Variants in FNDC1 observed in about 807,000 individuals in gnomAD.
FNDC1 encodes the protein fibronectin type III domain-containing protein 1.
In FNDC1, 96 loss-of-function variants were observed where a neutral mutation model predicts 168.0. The observed-to-expected ratio is 0.57, with a 90% CI of 0.48 to 0.68. The LOEUF is 0.68. Among genes scored for constraint, FNDC1 ranks in the 30% least tolerant of loss-of-function variants. The pLI, the probability that FNDC1 is intolerant of heterozygous loss-of-function variation, is 0.00. For synonymous variants in FNDC1, 1,099 were observed against 1,025.9 expected (o/e 1.07, Z -1.36); for missense variants, 2,587 against 2,482.1 (o/e 1.04, Z -0.90).
chr6:159,209,055 C>A (rs1214197139), intron 4 of FNDC1, among the ~76,000 whole-genome samples: 1 of 152,102 alleles, frequency 6.6e-6, no homozygotes, highest in Non-Finnish European at 1.5e-5. Flanking sequence ...CCATGTTGGT[C>A]AGGCTGGTCC....
At position 159,232,495 on chromosome 6, in the gene FNDC1, C is replaced by A. The variant is rs962860265; in HGVS notation, c.1983C>A (p.Gly661=). ...ERAVGSLHPK[G]AFAQPRPALS... is the part of the protein sequence containing the mutation. ...CTGTGGGCTCCCTCCACCCCAAGGG[C>A]GCCTTCGCCCAGCCCCGGCCAGCCC... Residue 661 remains glycine, a synonymous_variant, in exon 11 of 23, where the codon GGC becomes GGA. Coordinates refer to ENST00000297267, the MANE Select transcript of FNDC1 (RefSeq NM_032532.3). The surrounding 1 kb of genome is among the most constrained non-coding windows in gnomAD (Gnocchi z 4.9). 4 of 1,612,380 alleles carry A rather than the reference C, an allele frequency of 2.5e-6. No individual in the cohort carries two copies. Among genetic ancestry groups the A allele is most frequent in the Non-Finnish European group, 3.4e-6 (4 of 1,179,270 alleles).
intron 2 of FNDC1, among the ~76,000 whole-genome samples, chr6:159,199,478 A>G (rs186084): frequency 0.47 from 72,162 of 152,092 alleles, 19,238 homozygotes; most frequent in African/African-American, 0.72. Flanking sequence ...ATATTTTATT[A>G]TGAAAAGGAG....
intron 1 of FNDC1, among the ~76,000 whole-genome samples, chr6:159,187,417 A>C (rs927950516): frequency 4.6e-5 from 7 of 152,150 alleles, no homozygotes; most frequent in African/African-American, 1.7e-4. Flanking sequence ...GTGTTTTATA[A>C]TAAGTTCAGA....
chr6:159,189,519 G>A (rs1340344161), intron 1 of FNDC1, among the ~76,000 whole-genome samples: 1 of 152,166 alleles, frequency 6.6e-6, no homozygotes, highest in Non-Finnish European at 1.5e-5. Flanking sequence ...ATTGTGTGGA[G>A]GACTCTAAGA....
chr6:159,244,974 CTCAGG>C (rs1783507344), intron 14 of FNDC1, among the ~76,000 whole-genome samples: 1 of 152,106 alleles, frequency 6.6e-6, no homozygotes, highest in African/African-American at 2.4e-5. Context: ...CTGGGGAGAC[CTCAGG>C]AAACTTACAA....
At chr6:159,247,153 A>C (rs1777155579) in intron 15 of FNDC1, among the ~76,000 whole-genome samples, 184 bp downstream of exon 15, 1 of 152,154 alleles carries the variant, frequency 6.6e-6, no homozygotes, top group Non-Finnish European at 1.5e-5. Context: ...TCCCAAATGC[A>C]TATTTGATCT....
At chr6:159,206,655 T>G (rs1007391335) in intron 4 of FNDC1, among the ~76,000 whole-genome samples, 18 of 152,006 alleles carry the variant, frequency 1.2e-4, no homozygotes, top group African/African-American at 4.1e-4. Flanking sequence ...ATTCGGGGGG[T>G]TCTGGGCAAG....
At chr6:159,208,835 T>C (rs1782538242) in intron 4 of FNDC1, among the ~76,000 whole-genome samples, 2 of 141,746 alleles carry the variant, frequency 1.4e-5, no homozygotes, top group South Asian at 4.4e-4. Context: ...CATTCAAATG[T>C]TATTTTTAAT....
intron 19 of FNDC1, among the ~76,000 whole-genome samples, chr6:159,263,697 G>A (rs947868287): frequency 6.6e-6 from 1 of 152,212 alleles, no homozygotes; most frequent in African/African-American, 2.4e-5. Flanking sequence ...GGGAGACGGA[G>A]CTTGCAGTGA....
At chr6:159,252,217 G>C (rs1414185781) in intron 17 of FNDC1, among the ~76,000 whole-genome samples, 2 of 151,752 alleles carry the variant, frequency 1.3e-5, no homozygotes, top group Non-Finnish European at 2.9e-5. Context: ...GTGAATAATT[G>C]CAAATTTTTT....
Position 159,225,687 on chromosome 6 carries a change from G to T in FNDC1, c.1037G>T (p.Trp346Leu). ...TCACAGGGTGAAAGAGATGGCAAATGGAGTACGTCAGTCTTCCAAAGAACA... is the reference window on the plus strand; with the variant it reads ...TCACAGGGTGAAAGAGATGGCAAATTGAGTACGTCAGTCTTCCAAAGAACA... ...RISQGERDGK[W>L]STSVFQRTPE... The change falls in exon 8 of 23, where the codon TGG becomes TTG. Residue 346 changes from tryptophan to leucine, a missense_variant. By Grantham distance (61) the Trp-to-Leu change is moderately conservative. Transcript: ENST00000297267. The T allele has an allele frequency of 6.2e-7, 1 of 1,613,460 alleles. No individual in the cohort carries two copies. Among genetic ancestry groups the T allele is most frequent in the South Asian group, 1.1e-5 (1 of 90,974 alleles).
intron 22 of FNDC1, among the ~76,000 whole-genome samples, chr6:159,269,597 G>GTCTGTCTATCTA (rs1439831224): frequency 6.5e-5 from 8 of 123,950 alleles, no homozygotes; most frequent in East Asian, 2.6e-4. Context: ...CTGTCTGTCT[G>GTCTGTCTATCTA]TCTATCTATC....
intron 2 of FNDC1, 87 bp downstream of exon 2, chr6:159,197,712 C>A (rs928670390): frequency 5.6e-6 from 7 of 1,256,226 alleles, no homozygotes; most frequent in Non-Finnish European, 7.7e-6. Context: ...TGTGAGACAA[C>A]CCATGGCTGG....
intron 11 of FNDC1, 84 bp downstream of exon 11, chr6:159,234,563 T>G: frequency 2.4e-6 from 3 of 1,242,142 alleles, no homozygotes; most frequent in Non-Finnish European, 3.4e-6. Context: ...TTCTATTGCA[T>G]TTAGCACCTA....
chr6:159,235,419 CTG>C (rs1157997536), intron 11 of FNDC1, among the ~76,000 whole-genome samples: 1 of 152,068 alleles, frequency 6.6e-6, no homozygotes. Flanking sequence ...CTAAGATTGA[CTG>C]TTTTAATCAA....
Position 159,230,954 on chromosome 6 carries a change from G to GTTT in FNDC1, c.1370-922_1370-920dup, listed in dbSNP as rs66493005. ...AATATAATGTTTGCCTATCCCAGGA[G>GTTT]TTTTTTTTATTTTAAGCCTTATTTT... is the stretch of plus-strand genomic sequence containing the variant. On this transcript the variant is annotated intron_variant, in intron 10 of 22. Coordinates refer to ENST00000297267, the MANE Select transcript of FNDC1 (RefSeq NM_032532.3). 3.7e-3 allele frequency among the ~76,000 whole-genome samples: 562 copies of GTTT among 151,766 alleles called. 27 individuals are homozygous for GTTT. The East Asian group carries it at 0.083, about 22-fold the overall frequency.
chr6:159,257,997 T>C (rs1777409938), intron 18 of FNDC1, among the ~76,000 whole-genome samples: 1 of 151,230 alleles, frequency 6.6e-6, no homozygotes, highest in Non-Finnish European at 1.5e-5. Flanking sequence ...CCAGAGGCCT[T>C]GCCACAGAGC....
chr6:159,213,747 G>A (rs1782654978), intron 4 of FNDC1, among the ~76,000 whole-genome samples: 1 of 152,124 alleles, frequency 6.6e-6, no homozygotes, highest in African/African-American at 2.4e-5. Flanking sequence ...GATTATTGGG[G>A]AAAGTATTTG....
At chr6:159,267,766 T>G in intron 21 of FNDC1, 38 bp from the exon 22 acceptor site, 4 of 1,610,976 alleles carry the variant, frequency 2.5e-6, no homozygotes, top group Non-Finnish European at 3.4e-6. Flanking sequence ...TGTGACTTTC[T>G]GTACCTAGTC....
Sources: allele counts gnomAD v4.1 joint callset (sites outside exome capture counted in the v4.1 genomes callset), GRCh38; gene constraint gnomAD v4.1.1; non-coding constraint Gnocchi (gnomAD v3.1); transcripts MANE v1.5; gene names NCBI Gene and HGNC (gene_info 2026-07-23, HGNC 2026-07-21).